OSMR: variants seen among roughly 807,000 people sequenced by gnomAD.
OSMR encodes the protein oncostatin M receptor, also known as oncostatin-M-specific receptor subunit beta.
OSMR carries 81 observed loss-of-function variants against 99.9 expected under a neutral mutation model. The observed-to-expected ratio is 0.81, with a 90% CI of 0.68 to 0.97. The LOEUF is 0.97. Ranked by LOEUF, OSMR falls within the 50% of genes least tolerant of loss-of-function variation. The pLI, the probability that OSMR is intolerant of heterozygous loss-of-function variation, is 0.00. For missense variants in OSMR, 1,099 were observed against 1,153.4 expected, an observed-to-expected ratio of 0.95 and a Z score of 0.68; for synonymous variants, 406 against 410.4, an observed-to-expected ratio of 0.99 and a Z score of 0.13.
chr5:38,897,380 T>C (rs1481501012), intron 7 of OSMR, among the ~76,000 whole-genome samples: 4 of 152,112 alleles, frequency 2.6e-5, no homozygotes, highest in African/African-American at 7.2e-5. Flanking sequence ...TATTCTTAGA[T>C]TTATGTGTCT....
chr5:38,919,418 A>G (rs1041818786), intron 11 of OSMR: 2 of 1,163,016 alleles, frequency 1.7e-6, no homozygotes, highest in Admixed American at 2.5e-5. Context: ...TAGGAATTGC[A>G]TTTACTATTT....
rs965759673 is a variant in OSMR at position 38,934,945 on chromosome 5, C to T, written c.*1501C>T. ...CCGCCTCCCAGGGTCAAGCAATTCT[C>T]CTGCCTCAGCCTCCTGAGTAGCTGG... is the stretch of plus-strand genomic sequence containing the variant. On this transcript the variant is annotated 3_prime_UTR_variant, in exon 18 of 18. Coordinates refer to ENST00000274276, the MANE Select transcript of OSMR (RefSeq NM_003999.3). The T allele has an allele frequency of 1.2e-4, 19 of 152,582 alleles. No individual in the cohort carries two copies. Among genetic ancestry groups the T allele is most frequent in the African/African-American group, 4.6e-4 (19 of 41,570 alleles). 9.5% of individuals were successfully genotyped at this position (152,582 alleles called of 1,614,324 possible).
At chr5:38,871,758 C>T (rs978268518) in intron 2 of OSMR, among the ~76,000 whole-genome samples, 1 of 152,122 alleles carries the variant, frequency 6.6e-6, no homozygotes, top group Non-Finnish European at 1.5e-5. Flanking sequence ...TATATATGCT[C>T]AGGATTTTTT....
chr5:38,879,116 T>C (rs3792856), intron 3 of OSMR, among the ~76,000 whole-genome samples: 48,655 of 152,082 alleles, frequency 0.32, 8,835 homozygotes, highest in East Asian at 0.63. Context: ...ACAATTTGGA[T>C]AAAGGGCTGT....
chr5:38,909,593 A>G (rs1745446869), intron 9 of OSMR, among the ~76,000 whole-genome samples: 1 of 152,252 alleles, frequency 6.6e-6, no homozygotes, highest in Non-Finnish European at 1.5e-5. Flanking sequence ...TTCTTAAAAG[A>G]AATTCCAACC....
chr5:38,894,474 A>G (rs1012463928), intron 7 of OSMR, among the ~76,000 whole-genome samples: 1 of 152,170 alleles, frequency 6.6e-6, no homozygotes, highest in Non-Finnish European at 1.5e-5. Flanking sequence ...AATGACATCT[A>G]TAGGCTCAAA....
chr5:38,876,629 C>T (rs890375115), intron 3 of OSMR, among the ~76,000 whole-genome samples: 2 of 152,186 alleles, frequency 1.3e-5, no homozygotes, highest in African/African-American at 4.8e-5. Context: ...TCTAAGAAGA[C>T]TGTTGAGTCT....
intron 16 of OSMR, 52 bp from the exon 17 acceptor site, chr5:38,932,411 A>G: frequency 7.5e-7 from 1 of 1,337,044 alleles, no homozygotes; most frequent in Non-Finnish European, 1.1e-6. Flanking sequence ...TCTTGCTCTT[A>G]ACTCGTCCAC....
chr5:38,892,239 T>A (rs1744209343), intron 7 of OSMR, among the ~76,000 whole-genome samples: 1 of 152,144 alleles, frequency 6.6e-6, no homozygotes, highest in Non-Finnish European at 1.5e-5. Context: ...TGCCACTACC[T>A]GAACATTTCA....
intron 9 of OSMR, among the ~76,000 whole-genome samples, chr5:38,915,097 A>G (rs1333480052): frequency 6.6e-6 from 1 of 152,238 alleles, no homozygotes; most frequent in African/African-American, 2.4e-5. Context: ...CTACAGAATG[A>G]TGAAGTATTT....
At chr5:38,942,215 G>T (rs1247361843) in intron 1 of OSMR, 12 of 728,892 alleles carry the variant, frequency 1.6e-5, no homozygotes, top group Non-Finnish European at 2.8e-5. Context: ...TGTCTTTGCT[G>T]CCTAGTCAGT....
chr5:38,937,116 G>A (rs893927544), downstream of OSMR, among the ~76,000 whole-genome samples: 2 of 152,172 alleles, frequency 1.3e-5, no homozygotes, highest in Non-Finnish European at 2.9e-5. This position sits in a 1 kb window ranked among gnomAD's most constrained non-coding sequence, Gnocchi z 4.0. Flanking sequence ...CTCACTGCAA[G>A]CTCCGCCTCC....
downstream of OSMR, chr5:38,945,205 T>C: frequency 1.5e-6 from 1 of 683,470 alleles, no homozygotes. Context: ...TTCCAAAACT[T>C]TTTTCCTCAT....
At chr5:38,915,013 G>C (rs1019969092) in intron 9 of OSMR, among the ~76,000 whole-genome samples, 1 of 152,114 alleles carries the variant, frequency 6.6e-6, no homozygotes, top group Non-Finnish European at 1.5e-5. Flanking sequence ...TTTCTAGGAA[G>C]TATTTTTAAA....
At chr5:38,897,074 G>A (rs1008402159) in intron 7 of OSMR, among the ~76,000 whole-genome samples, 2 of 151,910 alleles carry the variant, frequency 1.3e-5, no homozygotes, top group African/African-American at 2.4e-5. Context: ...GAGGATTTTT[G>A]TATCAATATT....
intron 3 of OSMR, among the ~76,000 whole-genome samples, chr5:38,880,120 C>T (rs901086938): frequency 6.6e-6 from 1 of 152,068 alleles, no homozygotes; most frequent in South Asian, 2.1e-4. Flanking sequence ...CCTGGGTGGA[C>T]CAGGATGTTT....
chr5:38,858,918 G>A (rs917136849), intron 1 of OSMR, among the ~76,000 whole-genome samples: 1 of 152,124 alleles, frequency 6.6e-6, no homozygotes, highest in Admixed American at 6.5e-5. Context: ...CTTTTGATAA[G>A]TCTATTTGGA....
At chr5:38,917,800 C>A (rs1254289035) in intron 10 of OSMR, among the ~76,000 whole-genome samples, 178 bp downstream of exon 10, 1 of 152,276 alleles carries the variant, frequency 6.6e-6, no homozygotes, top group Admixed American at 6.5e-5. Context: ...CCTTTGATAG[C>A]TGATGCAACT....
At chr5:38,925,644 C>A (rs1459342667) in intron 15 of OSMR, among the ~76,000 whole-genome samples, 37 of 152,144 alleles carry the variant, frequency 2.4e-4, no homozygotes, top group Non-Finnish European at 8.8e-5. Flanking sequence ...TGAGACAATT[C>A]TCTGGAACTC....
Sources: gnomAD v4.1 joint callset for allele counts (sites outside exome capture counted in the v4.1 genomes callset) on GRCh38, gnomAD v4.1.1 for gene constraint, Gnocchi (gnomAD v3.1) non-coding constraint, MANE v1.5 for transcripts, NCBI Gene and HGNC (gene_info 2026-07-23, HGNC 2026-07-21) for gene names.